Variants in NUDCD3 observed in about 807,000 individuals in gnomAD.
The protein encoded by NUDCD3 is NudC domain containing 3, also known as nudC domain-containing protein 3.
In NUDCD3, 13 loss-of-function variants were observed where a neutral mutation model predicts 39.7. That is an observed-to-expected ratio of 0.33 (90% CI 0.21 to 0.52). The LOEUF (loss-of-function observed/expected upper bound fraction) is 0.52. Among genes scored for constraint, NUDCD3 ranks in the 20% least tolerant of loss-of-function variants. The pLI, the probability that NUDCD3 is intolerant of heterozygous loss-of-function variation, is 0.96. For synonymous variants in NUDCD3, 175 were observed against 172.4 expected, an observed-to-expected ratio of 1.02 and a Z score of -0.12; for missense variants, 453 against 458.1, an observed-to-expected ratio of 0.99 and a Z score of 0.10.
rs560607391 is a variant in NUDCD3, at chr7:44,416,666, T to C, written c.642+10905A>G. Among the ~76,000 whole-genome samples, 5 of 152,290 alleles carry C rather than the reference T, an allele frequency of 3.3e-5. No homozygotes were observed. The East Asian group carries it at 7.7e-4, about 24-fold the overall frequency. Reference sequence around the variant, plus strand: ...GTCAGCGAGCATCACAAAAGGCCTATTGTCACATAGATATACCGTGTTAAT... The same window carrying C: ...GTCAGCGAGCATCACAAAAGGCCTACTGTCACATAGATATACCGTGTTAAT... On this transcript the variant is annotated intron_variant, in intron 3 of 5. Transcript: ENST00000355451.
In NUDCD3 at chr7:44,436,854, T is replaced by C. The variant is rs140898126; in HGVS notation, c.510-9151A>G. On this transcript the variant is annotated intron_variant, in intron 2 of 5. Coordinates refer to ENST00000355451, the MANE Select transcript of NUDCD3 (RefSeq NM_015332.4). ...ACAAATTCTTTCTAGTTATAAGTTG[T>C]TGTCATACTTTAAAGACGTCTATCT... Among the ~76,000 whole-genome samples the C allele has an allele frequency of 8.7e-3, 1,321 of 152,290 alleles. 17 individuals are homozygous for C. Among genetic ancestry groups the C allele is most frequent in the African/African-American group, 0.03 (1,246 of 41,572 alleles).
chr7:44,446,744 T>C (rs1045897702), intron 2 of NUDCD3, among the ~76,000 whole-genome samples: 4 of 152,222 alleles, frequency 2.6e-5, no homozygotes, highest in African/African-American at 9.7e-5. Flanking sequence ...CCTTAAAAAG[T>C]GTTTCAAAGG....
At chr7:44,390,578 T>C (rs1563162796) in intron 5 of NUDCD3, among the ~76,000 whole-genome samples, 1 of 152,210 alleles carries the variant, frequency 6.6e-6, no homozygotes, top group East Asian at 1.9e-4. Flanking sequence ...ATGGTAAGAC[T>C]GCCTTCTTAT....
intron 3 of NUDCD3, among the ~76,000 whole-genome samples, chr7:44,411,625 C>T (rs1798927482): frequency 6.6e-6 from 1 of 152,182 alleles, no homozygotes; most frequent in Non-Finnish European, 1.5e-5. Context: ...AAAACCAAAA[C>T]AGACAATAAC....
At chr7:44,446,060 C>T (rs1799684990) in intron 2 of NUDCD3, among the ~76,000 whole-genome samples, 1 of 152,246 alleles carries the variant, frequency 6.6e-6, no homozygotes, top group Admixed American at 6.5e-5. Context: ...TTACTGCACA[C>T]TTACCTATGG....
At chr7:44,418,158 A>T (rs1036879501) in intron 3 of NUDCD3, among the ~76,000 whole-genome samples, 1 of 152,158 alleles carries the variant, frequency 6.6e-6, no homozygotes, top group Non-Finnish European at 1.5e-5. Context: ...ACAGGACAGG[A>T]GGGCCAGAGG....
In NUDCD3 at chr7:44,482,888, A is replaced by G. The variant is rs181698299; in HGVS notation, c.509+2080T>C. ...TAAAGGAAAACCAAGGTAGAAATTG[A>G]AGCCATAAAAAACAATCAAGGGGAA... On this transcript the variant is annotated intron_variant, in intron 2 of 5. Coordinates refer to ENST00000355451, the MANE Select transcript of NUDCD3 (RefSeq NM_015332.4). Among the ~76,000 whole-genome samples the G allele has an allele frequency of 1.3e-3, 197 of 152,360 alleles. 1 individual carries two copies. In the Middle Eastern group the frequency reaches 0.014, roughly 11 times the overall value.
At chr7:44,435,766 G>A (rs1389989207) in intron 2 of NUDCD3, among the ~76,000 whole-genome samples, 1 of 152,170 alleles carries the variant, frequency 6.6e-6, no homozygotes, top group Non-Finnish European at 1.5e-5. Context: ...GAAGGATCCA[G>A]AACACCCCAA....
At chr7:44,413,393 A>G (rs1336761251) in intron 3 of NUDCD3, 1 of 152,224 alleles carries the variant, frequency 6.6e-6, no homozygotes, top group Non-Finnish European at 1.5e-5. Context: ...CAAAAGGTTA[A>G]TAACAAAATG....
chr7:44,435,153 T>G (rs932290725), intron 2 of NUDCD3, among the ~76,000 whole-genome samples: 1 of 152,200 alleles, frequency 6.6e-6, no homozygotes, highest in Non-Finnish European at 1.5e-5. Context: ...TATCAATAAT[T>G]TTATCAATAC....
intron 2 of NUDCD3, among the ~76,000 whole-genome samples, chr7:44,470,976 C>A (rs1800244514): frequency 6.6e-6 from 1 of 152,208 alleles, no homozygotes; most frequent in African/African-American, 2.4e-5. Context: ...AAAGGTTGAT[C>A]ATCTTCAATG....
chr7:44,472,489 CAT>C (rs1276328977), intron 2 of NUDCD3, among the ~76,000 whole-genome samples: 2 of 152,164 alleles, frequency 1.3e-5, no homozygotes, highest in African/African-American at 4.8e-5. Flanking sequence ...TAATCCAAAA[CAT>C]AAATTTAATG....
chr7:44,478,247 A>G lies in NUDCD3; in HGVS notation c.509+6721T>C, dbSNP rs114061725. On this transcript the variant is annotated intron_variant, in intron 2 of 5. Transcript: ENST00000355451. Reference sequence around the variant, plus strand: ...GCAAATTCTCTCTCTTCTCTGAGGAATAAGATGGGTTATTTACTTTGGGCC... The same window carrying G: ...GCAAATTCTCTCTCTTCTCTGAGGAGTAAGATGGGTTATTTACTTTGGGCC... Among the ~76,000 whole-genome samples, 1,032 of 152,326 alleles carry G rather than the reference A, an allele frequency of 6.8e-3. 11 individuals are homozygous for G. Among genetic ancestry groups the G allele is most frequent in the African/African-American group, 0.023 (975 of 41,572 alleles).
chr7:44,482,727 C>T (rs1222685123), intron 2 of NUDCD3, among the ~76,000 whole-genome samples: 1 of 152,076 alleles, frequency 6.6e-6, no homozygotes, highest in African/African-American at 2.4e-5. Flanking sequence ...AAAAAATTAT[C>T]AGACATTTGA....
intron 4 of NUDCD3, 146 bp from the exon 5 acceptor site, chr7:44,392,631 G>A (rs1798542897): frequency 6.0e-6 from 4 of 665,598 alleles, no homozygotes; most frequent in South Asian, 1.9e-5. Flanking sequence ...AAGAGGGGGT[G>A]CCAGAACCCA....
chr7:44,434,799 TA>T (rs1799435548), intron 2 of NUDCD3, among the ~76,000 whole-genome samples: 2 of 152,186 alleles, frequency 1.3e-5, no homozygotes, highest in South Asian at 4.1e-4. Flanking sequence ...AGCAACCAGG[TA>T]ACGGTGACTA....
intron 2 of NUDCD3, among the ~76,000 whole-genome samples, chr7:44,431,050 G>A (rs1444582600): frequency 6.6e-6 from 1 of 152,168 alleles, no homozygotes; most frequent in Non-Finnish European, 1.5e-5. Flanking sequence ...AAGTTGTTGG[G>A]TGCTTTTTAT....
chr7:44,398,760 T>G (rs1053044408), intron 4 of NUDCD3, among the ~76,000 whole-genome samples: 5 of 152,168 alleles, frequency 3.3e-5, no homozygotes, highest in Non-Finnish European at 7.4e-5. Context: ...ATGAGACTTA[T>G]GGGAATGTTG....
chr7:44,413,750 C>T (rs1024100101), intron 3 of NUDCD3, among the ~76,000 whole-genome samples: 3 of 152,114 alleles, frequency 2.0e-5, no homozygotes, highest in Non-Finnish European at 4.4e-5. Context: ...TTTAGCAACA[C>T]TTACAGAAAT....
Sources: gnomAD v4.1 joint callset for allele counts (sites outside exome capture counted in the v4.1 genomes callset) on GRCh38, gnomAD v4.1.1 for gene constraint, MANE v1.5 for transcripts, NCBI Gene and HGNC (gene_info 2026-07-23, HGNC 2026-07-21) for gene names.